Variants in ABCC8 observed in about 807,000 individuals in gnomAD.
ABCC8 encodes the protein ATP-binding cassette sub-family C member 8.
ABCC8 carries 137 observed loss-of-function variants against 188.0 expected under a neutral mutation model. That is an observed-to-expected ratio of 0.73 (90% CI 0.63 to 0.84). ABCC8 has a LOEUF of 0.84. ABCC8 is among the 40% of genes least tolerant of loss of function. The pLI is 0.00. For missense variants in ABCC8, 1,750 were observed against 2,072.7 expected (o/e 0.84, Z 3.02); for synonymous variants, 797 against 846.5 (o/e 0.94, Z 1.01).
chr11:17,396,433 G>T (rs771057171), intron 33 of ABCC8: 8 of 295,578 alleles, frequency 2.7e-5, no homozygotes, highest in Admixed American at 1.4e-4. Context: ...TACATCCCAA[G>T]GTCAGAGAAT....
Position 17,427,729 on chromosome 11 carries a change from C to T in ABCC8, c.2116+138G>A, listed in dbSNP as rs1373665009. The T allele has an allele frequency of 8.1e-7, 1 of 1,232,620 alleles. No individual in the cohort carries two copies. The highest frequency in any genetic ancestry group is 1.1e-6 in the Non-Finnish European group (1 of 890,114). 76.4% of individuals were successfully genotyped at this position (1,232,620 alleles called of 1,614,324 possible). A position where few individuals can be genotyped will look rare whatever the true frequency, so the allele number is the denominator to read the frequency against. On this transcript the variant is annotated intron_variant, in intron 15 of 38. Transcript: ENST00000389817. This position sits in a 1 kb window ranked among gnomAD's most constrained non-coding sequence, Gnocchi z 5.0. ...GAAGCCTCTAGAATGTAGCCTTCCC[C>T]TTCTATAATATACCCAGGGCATACA...
chr11:17,473,789 C>T (rs114533828), intron 2 of ABCC8, among the ~76,000 whole-genome samples: 116 of 152,316 alleles, frequency 7.6e-4, no homozygotes, highest in African/African-American at 2.6e-3. Flanking sequence ...CTCCAGCCTG[C>T]GCTGAACACC....
At chr11:17,445,368 G>C (rs1956484147) in intron 8 of ABCC8, among the ~76,000 whole-genome samples, 1 of 152,138 alleles carries the variant, frequency 6.6e-6, no homozygotes, top group Admixed American at 6.5e-5. Flanking sequence ...TTTCTTTTTG[G>C]GGAAATGAAA....
chr11:17,395,172 C>G lies in ABCC8; in HGVS notation c.4411G>C (p.Asp1471His), dbSNP rs72559716. The G allele has an allele frequency of 1.3e-6, 2 of 1,569,684 alleles. No homozygotes were observed. Among genetic ancestry groups the G allele is most frequent in the Non-Finnish European group, 8.7e-7 (1 of 1,155,322 alleles). Reference protein sequence around the residue: ...LVVKALPGGLDAIITEGGENF... With the variant: ...LVVKALPGGLHAIITEGGENF... ...CAGCTGCATAGCCAGGAGTAGTTAC[C>G]GAGGCCTCCTGGCAGTGCCTTCACC... Residue 1471 changes from aspartate to histidine, a missense_variant and splice_region_variant, in exon 36 of 39, where the codon GAT becomes CAT. Asp to His is a moderately conservative substitution (Grantham distance 81). Coordinates refer to ENST00000389817, the MANE Select transcript of ABCC8 (RefSeq NM_000352.6).
intron 10 of ABCC8, chr11:17,435,985 G>C (rs74363581): frequency 6.4e-7 from 1 of 1,574,184 alleles, no homozygotes; most frequent in South Asian, 1.1e-5. Flanking sequence ...GATGGACATC[G>C]CCATGGGAAG....
chr11:17,463,388 G>T, intron 4 of ABCC8, 50 bp downstream of exon 4: 1 of 1,485,520 alleles, frequency 6.7e-7, no homozygotes, highest in Non-Finnish European at 9.2e-7. Context: ...GCAGGACAGA[G>T]GCCAGAGCCT....
At chr11:17,413,348 T>C (rs768376606) in intron 20 of ABCC8, 46 bp downstream of exon 20, 1 of 1,612,690 alleles carries the variant, frequency 6.2e-7, no homozygotes, top group Non-Finnish European at 8.5e-7. Flanking sequence ...GCATGGTAGG[T>C]TGGGGGTCCT....
rs560056977 is a variant in ABCC8 at position 17,424,553 on chromosome 11, G to A, written c.2222+2496C>T. Among the ~76,000 whole-genome samples the A allele has an allele frequency of 4.6e-5, 7 of 152,314 alleles. No individual in the cohort carries two copies. The East Asian group carries it at 9.7e-4, about 21-fold the overall frequency. On this transcript the variant is annotated intron_variant, in intron 16 of 38. Coordinates refer to ENST00000389817, the MANE Select transcript of ABCC8 (RefSeq NM_000352.6). ...CAAGGAGAGCTCCTGAGGCAGGCAC[G>A]ATGCCACATGAGGGCATGAGGGTGG...
At chr11:17,415,168 AG>A (rs1393771468) in intron 18 of ABCC8, 135 bp downstream of exon 18, 3 of 1,251,294 alleles carry the variant, frequency 2.4e-6, no homozygotes, top group Admixed American at 2.0e-5. Flanking sequence ...GGTGGAGCAC[AG>A]GGGCCCTCCC....
chr11:17,455,608 A>G (rs1485137274), intron 6 of ABCC8, among the ~76,000 whole-genome samples: 1 of 152,164 alleles, frequency 6.6e-6, no homozygotes, highest in Admixed American at 6.5e-5. Context: ...TTGGTTTAAA[A>G]GGGATAGAAC....
rs1280328860 is a variant in ABCC8, at chr11:17,395,639, C to T, written c.4278G>A (p.Gln1426=). Residue 1426 remains glutamine (Q), a synonymous_variant, in exon 35 of 39, where the codon CAG becomes CAA. Transcript: ENST00000389817. The part of the protein sequence containing the change: ...TLRSRLSIIL[Q]DPVLFSGTIR... ...TGGTGCCGCTGAAGAGGACGGGGTC[C>T]TGCAGGATGATGGAGAGGCGTGAGC... is the stretch of plus-strand genomic sequence containing the variant. 6.4e-7 allele frequency: 1 copy of T among 1,558,956 alleles called. No homozygotes were observed. The highest frequency in any genetic ancestry group is 8.7e-7 in the Non-Finnish European group (1 of 1,151,802).
intron 6 of ABCC8, among the ~76,000 whole-genome samples, chr11:17,459,288 T>C (rs7105391): frequency 0.38 from 57,611 of 152,114 alleles, 11,319 homozygotes; most frequent in Middle Eastern, 0.5. Flanking sequence ...CAGCCAGGTA[T>C]GTATTATGTG....
Position 17,399,039 on chromosome 11 carries a change from C to T in ABCC8, c.3651-598G>A, listed in dbSNP as rs371862475. 150 of 160,316 alleles carry T rather than the reference C, an allele frequency of 9.4e-4. 2 individuals carry two copies. The South Asian group carries it at 0.025, about 27-fold the overall frequency. 9.9% of individuals were successfully genotyped at this position (160,316 alleles called of 1,614,324 possible). On this transcript the variant is annotated intron_variant, in intron 29 of 38. Transcript: ENST00000389817. ...ATCCCAGCACTTTGGGAGGCTGAGG[C>T]GGGCGGATCACCTGAGGTCAAGAGT...
At chr11:17,418,665 C>T (rs1289782244) in intron 16 of ABCC8, among the ~76,000 whole-genome samples, 5 of 152,148 alleles carry the variant, frequency 3.3e-5, no homozygotes, top group Non-Finnish European at 7.3e-5. Context: ...AGGACCCCAG[C>T]ACACAGTAAG....
At chr11:17,474,785 A>G in intron 2 of ABCC8, 101 bp downstream of exon 2, 1 of 1,322,858 alleles carries the variant, frequency 7.6e-7, no homozygotes, top group Non-Finnish European at 1.1e-6. Context: ...GTAACAAAAG[A>G]CATGGGCTTG....
intron 18 of ABCC8, 21 bp from the exon 19 acceptor site, chr11:17,414,631 G>A (rs772574522): frequency 6.2e-7 from 1 of 1,614,002 alleles, no homozygotes; most frequent in Non-Finnish European, 8.5e-7. Flanking sequence ...CAGGGCGGGA[G>A]TAGGGGGTGC....
rs192863214 is a variant in ABCC8 at position 17,407,050 on chromosome 11, G to T, written c.3000C>A (p.Cys1000Ter). The change falls in exon 25 of 39, where the codon TGC (cysteine) becomes TGA (stop). Residue 1000 changes from cysteine to a stop codon, truncating the protein, a stop_gained. Coordinates refer to ENST00000389817, the MANE Select transcript of ABCC8 (RefSeq NM_000352.6). LOFTEE classifies it high-confidence loss of function. Reference protein sequence around the residue: ...HQRAEIPWRACAKYLSSAGIL... With the variant: ...HQRAEIPWRA ...TGCCGGCGGAGGACAGGTACTTGGC[G>T]CAGGCTCGCCATGGGATCTCAGCAC... 2.5e-6 allele frequency: 4 copies of T among 1,614,140 alleles called. No homozygotes were observed. Among genetic ancestry groups the T allele is most frequent in the South Asian group, 1.1e-5 (1 of 91,088 alleles).
At position 17,414,641 on chromosome 11, in the gene ABCC8, C is replaced by G. The variant is rs191316152; in HGVS notation, c.2292-31G>C. 9 of 1,613,246 alleles carry G rather than the reference C, an allele frequency of 5.6e-6. No individual in the cohort carries two copies. The Admixed American group carries it at 1.2e-4, about 21-fold the overall frequency. On this transcript the variant is annotated intron_variant, in intron 18 of 38. Coordinates refer to ENST00000389817, the MANE Select transcript of ABCC8 (RefSeq NM_000352.6). ...AAAAGCAGGGCGGGAGTAGGGGGTG[C>G]GGAAGGCATTCTCAGGGGCTTGTTC...
chr11:17,400,023 G>A (rs542212967), intron 29 of ABCC8, among the ~76,000 whole-genome samples: 26 of 152,356 alleles, frequency 1.7e-4, no homozygotes, highest in Admixed American at 1.4e-3. Flanking sequence ...AGGAAGGAAC[G>A]AAAGAAAAGC....
Sources: allele counts gnomAD v4.1 joint callset (sites outside exome capture counted in the v4.1 genomes callset), GRCh38; gene constraint gnomAD v4.1.1; non-coding constraint Gnocchi (gnomAD v3.1); transcripts MANE v1.5; gene names NCBI Gene and HGNC (gene_info 2026-07-23, HGNC 2026-07-21).